The following FRMD4A variants were observed in gnomAD, a reference collection of about 807,000 sequenced individuals.
FRMD4A encodes FERM domain containing 4A, also known as FERM domain-containing protein 4A.
In FRMD4A, 29 loss-of-function variants were observed where a neutral mutation model predicts 129.1. The observed-to-expected ratio is 0.22, with a 90% CI of 0.17 to 0.31. FRMD4A has a LOEUF of 0.31. FRMD4A is among the 10% of genes least tolerant of loss of function. FRMD4A has a pLI of 1.00. For synonymous variants in FRMD4A, 634 were observed against 571.6 expected (o/e 1.11, Z -1.56); for missense variants, 1,272 against 1,375.8 (o/e 0.92, Z 1.19).
intron 12 of FRMD4A, 103 bp from the exon 13 acceptor site, chr10:13,707,216 A>G: frequency 1.2e-6 from 1 of 863,144 alleles, no homozygotes; most frequent in Non-Finnish European, 1.9e-6. Context: ...TTTCCTTATC[A>G]AAACAGAGAC....
At chr10:13,826,155 C>T (rs1166935557) in intron 3 of FRMD4A, among the ~76,000 whole-genome samples, 2 of 152,220 alleles carry the variant, frequency 1.3e-5, no homozygotes, top group South Asian at 2.1e-4. Context: ...GAGAGGTGCT[C>T]AGTAAATGAG....
intron 8 of FRMD4A, among the ~76,000 whole-genome samples, chr10:13,757,041 C>A (rs10796118): frequency 6.6e-6 from 1 of 152,002 alleles, no homozygotes; most frequent in East Asian, 1.9e-4. Flanking sequence ...AAACCCTGCA[C>A]TGTTTACGAT....
At chr10:14,257,482 T>C (rs1194444957) in intron 2 of FRMD4A, among the ~76,000 whole-genome samples, 1 of 152,216 alleles carries the variant, frequency 6.6e-6, no homozygotes, top group East Asian at 1.9e-4. Flanking sequence ...AGCAAAGGTG[T>C]GCAAGTAATT....
At chr10:14,081,833 G>A (rs1057405355) in intron 2 of FRMD4A, among the ~76,000 whole-genome samples, 1 of 152,134 alleles carries the variant, frequency 6.6e-6, no homozygotes, top group South Asian at 2.1e-4. Context: ...TCCAATGCAG[G>A]TCATTGACTC....
intron 3 of FRMD4A, among the ~76,000 whole-genome samples, chr10:13,831,509 C>T (rs1011792126): frequency 6.6e-6 from 1 of 152,198 alleles, no homozygotes; most frequent in Non-Finnish European, 1.5e-5. Flanking sequence ...TTTGAAGTCA[C>T]AGACTTGGAC....
intron 18 of FRMD4A, among the ~76,000 whole-genome samples, chr10:13,665,324 CCT>C: frequency 6.6e-6 from 1 of 152,060 alleles, no homozygotes; most frequent in Non-Finnish European, 1.5e-5. Flanking sequence ...TCCTCATTCC[CCT>C]GTCCCCTAAG....
chr10:14,319,269 C>A (rs1337373757), intron 2 of FRMD4A, among the ~76,000 whole-genome samples: 1 of 151,368 alleles, frequency 6.6e-6, no homozygotes, highest in Admixed American at 6.6e-5. Flanking sequence ...ATGAGTGTAA[C>A]AAAATACTGA....
At chr10:14,130,918 T>C (rs950468442) in intron 2 of FRMD4A, among the ~76,000 whole-genome samples, 2 of 152,174 alleles carry the variant, frequency 1.3e-5, no homozygotes, top group African/African-American at 4.8e-5. Context: ...GAGATTCAAA[T>C]TGTAGCCCAA....
At chr10:13,869,205 C>A (rs1564943042) in intron 2 of FRMD4A, among the ~76,000 whole-genome samples, 1 of 152,226 alleles carries the variant, frequency 6.6e-6, no homozygotes, top group Non-Finnish European at 1.5e-5. Flanking sequence ...ATGAATGCTA[C>A]AGGGCAGCGT....
chr10:13,769,574 T>C (rs549750373), intron 6 of FRMD4A, among the ~76,000 whole-genome samples: 3 of 152,050 alleles, frequency 2.0e-5, no homozygotes, highest in African/African-American at 7.2e-5. Flanking sequence ...CCTCCCAAAG[T>C]GCTGGGATTA....
intron 2 of FRMD4A, among the ~76,000 whole-genome samples, chr10:14,042,723 G>A (rs967333535): frequency 1.3e-5 from 2 of 151,960 alleles, no homozygotes; most frequent in African/African-American, 4.8e-5. Flanking sequence ...AGCACTTTGG[G>A]AGGTCGAGAT....
intron 2 of FRMD4A, among the ~76,000 whole-genome samples, chr10:14,020,391 G>A (rs1184461413): frequency 6.6e-6 from 1 of 152,164 alleles, no homozygotes; most frequent in Non-Finnish European, 1.5e-5. Flanking sequence ...GGAAACAGCT[G>A]TTCTTGAGAT....
intron 2 of FRMD4A, among the ~76,000 whole-genome samples, chr10:13,900,854 G>A (rs569344690): frequency 7.2e-4 from 109 of 152,158 alleles, no homozygotes; most frequent in Middle Eastern, 3.4e-3. Context: ...CCTAGATCAC[G>A]CCACTGTACT....
intron 2 of FRMD4A, among the ~76,000 whole-genome samples, chr10:13,911,930 G>C (rs2094945397): frequency 6.6e-6 from 1 of 152,218 alleles, no homozygotes; most frequent in East Asian, 1.9e-4. Flanking sequence ...TTTACTCTGT[G>C]CCCACATATT....
rs188820267 is a variant in FRMD4A, at chr10:13,821,738, G to A, written c.112-10830C>T. 5.5e-3 allele frequency among the ~76,000 whole-genome samples: 834 copies of A among 152,256 alleles called. 2 individuals are homozygous for A. The highest frequency in any genetic ancestry group is 9.5e-3 in the Non-Finnish European group (643 of 68,032). On this transcript the variant is annotated intron_variant, in intron 3 of 24. Coordinates refer to ENST00000357447, the MANE Select transcript of FRMD4A (RefSeq NM_018027.5). This position sits in a 1 kb window ranked among gnomAD's most constrained non-coding sequence, Gnocchi z 4.3. ...CGAATCAGTGGGAGAACTGAACCGC[G>A]GCACACAGGTGGGCATGGGTCACCC...
At position 14,104,969 on chromosome 10, in the gene FRMD4A, C is replaced by T. The variant is rs184157275; in HGVS notation, c.45+225089G>A. On this transcript the variant is annotated intron_variant, in intron 2 of 24. Transcript: ENST00000357447. ...TGAGGGATCCAAATGAACTCAGTTA[C>T]ACCAAGCTCTCCTCCACTGTGGCAG... Among the ~76,000 whole-genome samples, 307 of 152,318 alleles carry T rather than the reference C, an allele frequency of 2.0e-3. 1 individual carries two copies. The highest frequency in any genetic ancestry group is 3.7e-3 in the Non-Finnish European group (252 of 68,022).
chr10:14,142,477 A>T (rs1839885451), intron 2 of FRMD4A, among the ~76,000 whole-genome samples: 1 of 152,248 alleles, frequency 6.6e-6, no homozygotes, highest in Non-Finnish European at 1.5e-5. Flanking sequence ...GATTTAAGAG[A>T]AACAGAAGCA....
At chr10:14,070,189 G>A (rs556609462) in intron 2 of FRMD4A, among the ~76,000 whole-genome samples, 1 of 152,092 alleles carries the variant, frequency 6.6e-6, no homozygotes, top group East Asian at 1.9e-4. Flanking sequence ...CCCATCCCTT[G>A]GAAGCCTCCT....
At chr10:13,939,086 C>G (rs763032081) in intron 2 of FRMD4A, among the ~76,000 whole-genome samples, 3 of 152,090 alleles carry the variant, frequency 2.0e-5, no homozygotes, top group Non-Finnish European at 4.4e-5. Flanking sequence ...TTGAGAAACC[C>G]GAGGGTTAAG....
Sources: allele counts gnomAD v4.1 joint callset (sites outside exome capture counted in the v4.1 genomes callset), GRCh38; gene constraint gnomAD v4.1.1; non-coding constraint Gnocchi (gnomAD v3.1); transcripts MANE v1.5; gene names NCBI Gene and HGNC (gene_info 2026-07-23, HGNC 2026-07-21).